ERBB4: variants seen among roughly 807,000 people sequenced by gnomAD.
ERBB4 encodes erb-b2 receptor tyrosine kinase 4, also known as receptor tyrosine-protein kinase erbB-4.
A neutral mutation model predicts 158.0 loss-of-function variants in ERBB4; 42 were observed. The ratio of observed to expected loss-of-function variants is 0.27; its 90% confidence interval spans 0.21 to 0.34. The LOEUF (loss-of-function observed/expected upper bound fraction) is 0.34, where lower values mean the gene tolerates loss of function less well. Ranked by LOEUF, ERBB4 falls within the 10% of genes least tolerant of loss-of-function variation. The probability of loss-of-function intolerance (pLI) is 1.00; values close to 1 mark genes in which losing one functional copy is unlikely to be tolerated. For missense variants in ERBB4, 1,333 were observed against 1,624.1 expected, an observed-to-expected ratio of 0.82 and a Z score of 3.08; for synonymous variants, 583 against 558.7, an observed-to-expected ratio of 1.04 and a Z score of -0.61.
At chr2:212,515,762 A>C (rs1212310961) in intron 1 of ERBB4, among the ~76,000 whole-genome samples, 1 of 152,024 alleles carries the variant, frequency 6.6e-6, no homozygotes, top group African/African-American at 2.4e-5. Context: ...AAATTTACGC[A>C]AACTTTCTTC....
chr2:211,526,832 G>T (rs1457631493), intron 20 of ERBB4, among the ~76,000 whole-genome samples: 1 of 151,928 alleles, frequency 6.6e-6, no homozygotes, highest in East Asian at 1.9e-4. Flanking sequence ...CTTAATAGCA[G>T]AACTAATCAA....
At chr2:212,451,180 T>C (rs935772226) in intron 1 of ERBB4, among the ~76,000 whole-genome samples, 2 of 152,120 alleles carry the variant, frequency 1.3e-5, no homozygotes, top group East Asian at 1.9e-4. Context: ...AATGTATCTA[T>C]AGAATTGTTG....
chr2:211,727,164 G>C (rs375151390), intron 5 of ERBB4, among the ~76,000 whole-genome samples: 1 of 152,000 alleles, frequency 6.6e-6, no homozygotes, highest in Non-Finnish European at 1.5e-5. Context: ...ATATATCCAC[G>C]TTATATGGGC....
chr2:211,377,433 A>G lies in ERBB4; in HGVS notation c.*6182T>C, dbSNP rs1207742517. ...TAACCACTTCTCATGATATAGGGAA[A>G]GCTCACTAGAGCATGAAAAGAAAAA... On this transcript the variant is annotated 3_prime_UTR_variant, in exon 28 of 28. Coordinates refer to ENST00000342788, the MANE Select transcript of ERBB4 (RefSeq NM_005235.3). 1 of 232,806 alleles carries G rather than the reference A, an allele frequency of 4.3e-6. No individual in the cohort carries two copies. The highest frequency in any genetic ancestry group is 8.5e-6 in the Non-Finnish European group (1 of 117,598). The allele number at this position is 232,806 out of a possible 1,614,324, so 14.4% of individuals were successfully genotyped here.
intron 1 of ERBB4, among the ~76,000 whole-genome samples, chr2:212,395,620 T>A (rs2091002673): frequency 7.2e-6 from 1 of 139,034 alleles, no homozygotes; most frequent in African/African-American, 2.7e-5. Context: ...CACTCTTTTT[T>A]TTTTTTTTTT....
intron 1 of ERBB4, among the ~76,000 whole-genome samples, chr2:212,295,570 A>C (rs565136552): frequency 1.8e-4 from 28 of 152,210 alleles, no homozygotes; most frequent in African/African-American, 6.5e-4. Context: ...ACATCACGAC[A>C]CAGTGGAAAG....
chr2:211,810,838 A>G (rs890192441), intron 3 of ERBB4, among the ~76,000 whole-genome samples: 6 of 149,996 alleles, frequency 4.0e-5, no homozygotes, highest in African/African-American at 1.5e-4. Context: ...GCGCCCGGCT[A>G]ATTTTTTTTG....
intron 2 of ERBB4, among the ~76,000 whole-genome samples, chr2:212,055,387 AG>A (rs1486534861): frequency 6.6e-6 from 1 of 151,018 alleles, no homozygotes; most frequent in Non-Finnish European, 1.5e-5. Context: ...CATAGCCAAA[AG>A]GCAGACTTAA....
At chr2:211,874,896 A>G (rs2106126386) in intron 3 of ERBB4, among the ~76,000 whole-genome samples, 1 of 152,246 alleles carries the variant, frequency 6.6e-6, no homozygotes, top group South Asian at 2.1e-4. Flanking sequence ...ATGCTAAAAT[A>G]TATCAAATTG....
chr2:212,476,817 C>A (rs959127954), intron 1 of ERBB4, among the ~76,000 whole-genome samples: 1 of 152,084 alleles, frequency 6.6e-6, no homozygotes, highest in Non-Finnish European at 1.5e-5. Flanking sequence ...TAAGTATATA[C>A]CCTCAAGACA....
intron 1 of ERBB4, among the ~76,000 whole-genome samples, chr2:212,288,106 T>C (rs535246152): frequency 6.6e-6 from 1 of 151,642 alleles, no homozygotes; most frequent in Non-Finnish European, 1.5e-5. Context: ...AAAATCAGAG[T>C]TGAGATTTTA....
chr2:211,932,689 C>T (rs2080210616), intron 3 of ERBB4, among the ~76,000 whole-genome samples: 1 of 151,914 alleles, frequency 6.6e-6, no homozygotes, highest in Non-Finnish European at 1.5e-5. Context: ...TTGATTTCCT[C>T]TTTAAAAATA....
intron 4 of ERBB4, among the ~76,000 whole-genome samples, chr2:211,772,838 C>CATATATATAT (rs1278564933): frequency 3.3e-4 from 6 of 18,310 alleles, no homozygotes; most frequent in South Asian, 1.4e-3. Context: ...TATATATACA[C>CATATATATAT]ATATATATAT....
chr2:211,399,841 A>G (rs928976735), intron 25 of ERBB4, among the ~76,000 whole-genome samples: 4 of 152,236 alleles, frequency 2.6e-5, no homozygotes, highest in Middle Eastern at 3.4e-3. Context: ...TTAACTAAGA[A>G]CAATAAGACA....
At chr2:212,115,737 G>A (rs1420468877) in intron 2 of ERBB4, among the ~76,000 whole-genome samples, 1 of 152,012 alleles carries the variant, frequency 6.6e-6, no homozygotes, top group Non-Finnish European at 1.5e-5. Flanking sequence ...TCAAACTCCT[G>A]GGCTCAAGCA....
intron 1 of ERBB4, among the ~76,000 whole-genome samples, chr2:212,412,578 T>C (rs2091529493): frequency 1.3e-5 from 2 of 152,174 alleles, no homozygotes. Flanking sequence ...GTGAACCAAT[T>C]AAACCTCTTT....
intron 1 of ERBB4, among the ~76,000 whole-genome samples, chr2:212,396,023 A>T (rs2091015634): frequency 6.6e-6 from 1 of 152,182 alleles, no homozygotes; most frequent in Non-Finnish European, 1.5e-5. Flanking sequence ...TGTGTTAATT[A>T]TAACTGATGG....
chr2:211,516,165 C>T (rs2066026033), intron 20 of ERBB4, among the ~76,000 whole-genome samples: 1 of 151,270 alleles, frequency 6.6e-6, no homozygotes, highest in Non-Finnish European at 1.5e-5. Context: ...ATCCGCCCGC[C>T]TCGGCCTCCC....
Position 211,375,726 on chromosome 2 carries a change from T to C in ERBB4, c.*7889A>G, listed in dbSNP as rs1574489660. ...TTCTGACACAAAAGAGAACGTTTGT[T>C]TCATATTTTATTGAATTTCATTTAT... On this transcript the variant is annotated 3_prime_UTR_variant, in exon 28 of 28. Transcript: ENST00000342788. The C allele has an allele frequency of 4.4e-6, 1 of 227,186 alleles. No individual in the cohort carries two copies. The highest frequency in any genetic ancestry group is 6.3e-5 in the East Asian group (1 of 15,810). The allele number at this position is 227,186 out of a possible 1,614,324, so 14.1% of individuals were successfully genotyped here.
Sources: gnomAD v4.1 joint callset for allele counts (sites outside exome capture counted in the v4.1 genomes callset) on GRCh38, gnomAD v4.1.1 for gene constraint, MANE v1.5 for transcripts, NCBI Gene and HGNC (gene_info 2026-07-23, HGNC 2026-07-21) for gene names.